Variants in SLC25A26 observed in about 807,000 individuals in gnomAD.
The protein encoded by SLC25A26 is solute carrier family 25 member 26, also known as mitochondrial S-adenosylmethionine carrier protein.
Under a neutral mutation model 37.8 loss-of-function variants are expected in SLC25A26, and 36 were observed. The observed-to-expected ratio is 0.95, with a 90% CI of 0.73 to 1.26. The LOEUF is 1.26. SLC25A26 is among the 50% of genes most tolerant of loss of function. The probability of loss-of-function intolerance (pLI) is 0.00; values close to 1 mark genes in which losing one functional copy is unlikely to be tolerated. For missense variants in SLC25A26, 390 were observed against 331.1 expected (o/e 1.18, Z -1.38); for synonymous variants, 129 against 122.5 (o/e 1.05, Z -0.35).
Position 66,253,209 on chromosome 3 carries a change from C to T in SLC25A26, c.301-8842C>T, listed in dbSNP as rs984012981. 4.6e-5 allele frequency among the ~76,000 whole-genome samples: 7 copies of T among 151,600 alleles called. No homozygotes were observed. The South Asian group carries it at 6.3e-4, about 14-fold the overall frequency. On this transcript the variant is annotated intron_variant, in intron 3 of 9. Coordinates refer to ENST00000354883, the MANE Select transcript of SLC25A26 (RefSeq NM_001379210.1). ...GATCGTGAGGTCAGGAGATCAAGACCGTCCTGGCTAACACGGTGAAAGCTT... is the reference window on the plus strand; with the variant it reads ...GATCGTGAGGTCAGGAGATCAAGACTGTCCTGGCTAACACGGTGAAAGCTT...
chr3:66,279,744 A>C (rs547781000), intron 5 of SLC25A26, among the ~76,000 whole-genome samples: 2 of 152,320 alleles, frequency 1.3e-5, no homozygotes, highest in South Asian at 4.1e-4. Flanking sequence ...TTTGGAAATA[A>C]GTGGTTAAAT....
At chr3:66,172,797 T>C (rs998441566) in intron 1 of SLC25A26, among the ~76,000 whole-genome samples, 2 of 152,196 alleles carry the variant, frequency 1.3e-5, no homozygotes, top group African/African-American at 4.8e-5. Context: ...AAGTTCTGCC[T>C]TCATGTTCAC....
chr3:66,273,707 T>A (rs988094230), intron 5 of SLC25A26, among the ~76,000 whole-genome samples: 15 of 152,098 alleles, frequency 9.9e-5, no homozygotes, highest in African/African-American at 3.1e-4. Context: ...GTGAAGGACC[T>A]CTTCAAGGAG....
At chr3:66,248,126 T>C (rs1366504750) in intron 3 of SLC25A26, among the ~76,000 whole-genome samples, 1 of 151,822 alleles carries the variant, frequency 6.6e-6, no homozygotes, top group East Asian at 1.9e-4. Flanking sequence ...GTAGCAACTA[T>C]TAAGGAAACT....
chr3:66,365,011 T>A (rs1198394217), intron 7 of SLC25A26, among the ~76,000 whole-genome samples: 1 of 152,206 alleles, frequency 6.6e-6, no homozygotes, highest in Non-Finnish European at 1.5e-5. Flanking sequence ...CCAGAGGAGG[T>A]TACTATTTTA....
At chr3:66,243,394 T>A (rs1346425612) in intron 3 of SLC25A26, 82 bp downstream of exon 3, 3 of 674,314 alleles carry the variant, frequency 4.4e-6, no homozygotes, top group East Asian at 2.8e-5. Flanking sequence ...TTTCATTTTT[T>A]AAAAATTATT....
intron 1 of SLC25A26, among the ~76,000 whole-genome samples, chr3:66,205,777 C>T (rs2071168513): frequency 6.6e-6 from 1 of 152,170 alleles, no homozygotes; most frequent in Non-Finnish European, 1.5e-5. Context: ...CATGGGCCAA[C>T]ATTCAAGCTT....
chr3:66,254,084 A>G (rs1029899794), intron 3 of SLC25A26, among the ~76,000 whole-genome samples: 2 of 152,204 alleles, frequency 1.3e-5, no homozygotes, highest in African/African-American at 4.8e-5. Context: ...GCGTGATTGG[A>G]AAGAGTCTTA....
chr3:66,337,238 A>G (rs2076110546), intron 5 of SLC25A26, among the ~76,000 whole-genome samples: 1 of 152,244 alleles, frequency 6.6e-6, no homozygotes, highest in East Asian at 1.9e-4. Context: ...TGATATACCC[A>G]GATGTTCACA....
At chr3:66,135,521 A>C (rs2069933680) in intron 1 of SLC25A26, among the ~76,000 whole-genome samples, 1 of 152,344 alleles carries the variant, frequency 6.6e-6, no homozygotes, top group East Asian at 1.9e-4. Flanking sequence ...TATTCTAAGC[A>C]CTTTGGGAGG....
intron 2 of SLC25A26, among the ~76,000 whole-genome samples, chr3:66,237,436 C>T (rs551623362): frequency 2.6e-5 from 4 of 152,318 alleles, no homozygotes; most frequent in South Asian, 2.1e-4. Context: ...AAGGTGACTC[C>T]GCTGTGAAGC....
At chr3:66,299,424 A>C (rs2075006361) in intron 5 of SLC25A26, among the ~76,000 whole-genome samples, 1 of 152,162 alleles carries the variant, frequency 6.6e-6, no homozygotes, top group South Asian at 2.1e-4. Context: ...TCCTGGCCTC[A>C]AGTGATCTGC....
chr3:66,326,595 C>T (rs1312515336), intron 5 of SLC25A26, among the ~76,000 whole-genome samples: 1 of 152,214 alleles, frequency 6.6e-6, no homozygotes, highest in African/African-American at 2.4e-5. Flanking sequence ...AGTCTCCCTG[C>T]AGACACAGAT....
chr3:66,277,100 T>C (rs2107411221), intron 5 of SLC25A26, among the ~76,000 whole-genome samples: 1 of 152,234 alleles, frequency 6.6e-6, no homozygotes, highest in East Asian at 1.9e-4. Context: ...TTCTAATTTT[T>C]TAAAACTTTT....
chr3:66,223,510 C>T (rs1553659424), intron 1 of SLC25A26, among the ~76,000 whole-genome samples: 1 of 152,102 alleles, frequency 6.6e-6, no homozygotes, highest in African/African-American at 2.4e-5. Context: ...AATGGAGTGG[C>T]TACTTTTTAA....
chr3:66,359,732 C>G (rs2076655460), intron 6 of SLC25A26, among the ~76,000 whole-genome samples: 1 of 152,086 alleles, frequency 6.6e-6, no homozygotes, highest in South Asian at 2.1e-4. Context: ...TCTAGGAGCT[C>G]TGGAAAAAAT....
chr3:66,251,074 T>C (rs782181872), intron 3 of SLC25A26, among the ~76,000 whole-genome samples: 1 of 152,096 alleles, frequency 6.6e-6, no homozygotes, highest in Non-Finnish European at 1.5e-5. Context: ...AGGAGGGGTG[T>C]TAGAGTTCTG....
intron 1 of SLC25A26, among the ~76,000 whole-genome samples, chr3:66,235,758 C>G (rs140275256): frequency 0.25 from 38,748 of 152,014 alleles, 5,641 homozygotes; most frequent in African/African-American, 0.39. Context: ...GAAAATGAGA[C>G]TATATGTTCA....
chr3:66,175,144 C>CACATATATAT (rs1553650724), intron 1 of SLC25A26, among the ~76,000 whole-genome samples: 6 of 62,538 alleles, frequency 9.6e-5, no homozygotes, highest in African/African-American at 4.3e-4. Context: ...TATATATACA[C>CACATATATAT]ACACACACAC....
Sources: allele counts gnomAD v4.1 joint callset (sites outside exome capture counted in the v4.1 genomes callset), GRCh38; gene constraint gnomAD v4.1.1; transcripts MANE v1.5; gene names NCBI Gene and HGNC (gene_info 2026-07-23, HGNC 2026-07-21).